Variants in CPXCR1 observed in about 807,000 individuals in gnomAD.
The protein encoded by CPXCR1 is CPX chromosome region candidate 1, also known as CPX chromosomal region candidate gene 1 protein.
In CPXCR1, 15 loss-of-function variants were observed where a neutral mutation model predicts 13.8. That is an observed-to-expected ratio of 1.09 (90% CI 0.73 to 1.67). The LOEUF (loss-of-function observed/expected upper bound fraction) is 1.67, where lower values mean the gene tolerates loss of function less well. CPXCR1 is among the 40% of genes most tolerant of loss of function. The pLI is 0.00. For synonymous variants in CPXCR1, 70 were observed against 76.7 expected (o/e 0.91, Z 0.46); for missense variants, 247 against 223.6 (o/e 1.10, Z -0.67).
chrX:88,747,719 T>C (rs888797894), intron 1 of CPXCR1, among the ~76,000 whole-genome samples: 5 of 111,952 alleles, frequency 4.5e-5, no homozygotes, highest in Admixed American at 9.5e-5. Flanking sequence ...TAGTTGAAGC[T>C]CTTTCATCTG....
chrX:88,753,610 G>A lies in CPXCR1; in HGVS notation c.196G>A (p.Ala66Thr). 1 of 1,206,854 alleles carries A rather than the reference G, an allele frequency of 8.3e-7. No homozygotes were observed. The highest frequency in any genetic ancestry group is 1.8e-5 in the South Asian group (1 of 56,243). The change falls in exon 3 of 3, where the codon GCA becomes ACA. Residue 66 changes from alanine (A) to threonine (T), a missense_variant. By Grantham distance (58) the Ala-to-Thr change is moderately conservative. Transcript: ENST00000276127. Reference sequence around the variant, plus strand: ...CTCCCAGGAAGATGTTGTTCCTCAAGCAGCAGAAAACAGCGAGCTCGAAAC... The same window carrying A: ...CTCCCAGGAAGATGTTGTTCCTCAAACAGCAGAAAACAGCGAGCTCGAAAC... ...ATSQEDVVPQ[A>T]AENSELETEI... is the part of the protein sequence containing the mutation.
intron 2 of CPXCR1, among the ~76,000 whole-genome samples, chrX:88,751,890 A>T (rs1208195395): frequency 1.8e-5 from 2 of 111,542 alleles, no homozygotes; most frequent in Non-Finnish European, 3.8e-5. Flanking sequence ...CAGTTATGAG[A>T]TAAGGTTCCA....
intron 2 of CPXCR1, among the ~76,000 whole-genome samples, chrX:88,751,783 C>T (rs17003522): frequency 0.05 from 5,605 of 111,103 alleles, 329 homozygotes; most frequent in African/African-American, 0.17. Flanking sequence ...ATAATAAAAG[C>T]TCAGCAGTAT....
Position 88,754,378 on chromosome X carries a change from C to T in CPXCR1, c.*58C>T, listed in dbSNP as rs968330707. The T allele has an allele frequency of 3.8e-5, 31 of 811,038 alleles. No individual in the cohort carries two copies. Among genetic ancestry groups the T allele is most frequent in the Admixed American group, 1.4e-4 (4 of 29,382 alleles). The allele number at this position is 811,038 out of a possible 1,213,427, so 66.8% of individuals were successfully genotyped here. ...ACTTCTAAAATTCATAATTTGACTA[C>T]TAAAGTAAGACAAAATTGCATGAAC... On this transcript the variant is annotated 3_prime_UTR_variant, in exon 3 of 3. Coordinates refer to ENST00000276127, the MANE Select transcript of CPXCR1 (RefSeq NM_033048.6).
In CPXCR1 at chrX:88,753,873, C is replaced by G; in HGVS notation, c.459C>G (p.Leu153=). The G allele has an allele frequency of 8.3e-7, 1 of 1,206,725 alleles. No homozygotes were observed. Among genetic ancestry groups the G allele is most frequent in the Admixed American group, 2.2e-5 (1 of 45,624 alleles). Residue 153 remains leucine, a synonymous_variant, in exon 3 of 3, where the codon CTC becomes CTG. Coordinates refer to ENST00000276127, the MANE Select transcript of CPXCR1 (RefSeq NM_033048.6). ...GTCATGAGATAAGAAGTATGATTCTCCATCTGCTATGTGATAGATATTTCT... is the reference window on the plus strand; with the variant it reads ...GTCATGAGATAAGAAGTATGATTCTGCATCTGCTATGTGATAGATATTTCT... The part of the protein sequence containing the change: ...INSHEIRSMI[L]HLLCDRYFSQ...
At chrX:88,748,531 T>C (rs1236946938) in intron 1 of CPXCR1, among the ~76,000 whole-genome samples, 1 of 110,598 alleles carries the variant, frequency 9.0e-6, no homozygotes, top group Non-Finnish European at 1.9e-5. Context: ...TCCAAACATA[T>C]GTCCAAACAT....
intron 1 of CPXCR1, among the ~76,000 whole-genome samples, chrX:88,748,727 T>C (rs1924838886): frequency 9.1e-6 from 1 of 110,168 alleles, no homozygotes; most frequent in African/African-American, 3.3e-5. Flanking sequence ...AGTCTTAACA[T>C]AGTTGAGTGA....
intron 2 of CPXCR1, 89 bp from the exon 3 acceptor site, chrX:88,753,318 A>G (rs745560634): frequency 2.2e-5 from 11 of 494,441 alleles, no homozygotes; most frequent in Non-Finnish European, 3.1e-5. Context: ...GCACATTCAC[A>G]GGCTTTTTGC....
chrX:88,754,446 AAACT>A lies in CPXCR1; in HGVS notation c.*129_*132del. 6.9e-6 allele frequency: 3 copies of A among 437,446 alleles called. No individual in the cohort carries two copies. The highest frequency in any genetic ancestry group is 1.2e-5 in the Non-Finnish European group (3 of 256,188). 36.1% of individuals were successfully genotyped at this position (437,446 alleles called of 1,213,427 possible). A position where few individuals can be genotyped will look rare whatever the true frequency, so the allele number is the denominator to read the frequency against. ...TAGAGGGAGTAGCAGAAAGGAACAC[AAACT>A]AATAGTACCTCTCAGTAAGAAATAC... On this transcript the variant is annotated 3_prime_UTR_variant, in exon 3 of 3. Transcript: ENST00000276127.
At chrX:88,748,692 C>T (rs1334135957) in intron 1 of CPXCR1, among the ~76,000 whole-genome samples, 1 of 109,834 alleles carries the variant, frequency 9.1e-6, no homozygotes. Context: ...CTTTAGATAT[C>T]ACATATTATG....
At position 88,753,863 on chromosome X, in the gene CPXCR1, G is replaced by A; in HGVS notation, c.449G>A (p.Ser150Asn). 1 of 1,208,208 alleles carries A rather than the reference G, an allele frequency of 8.3e-7. No individual in the cohort carries two copies. Among genetic ancestry groups the A allele is most frequent in the Non-Finnish European group, 1.1e-6 (1 of 892,407 alleles). The stretch of plus-strand genomic sequence containing the variant: ...TTTATTAACAGTCATGAGATAAGAA[G>A]TATGATTCTCCATCTGCTATGTGAT... The part of the protein sequence containing the change: ...VPFINSHEIR[S>N]MILHLLCDRY... The change falls in exon 3 of 3, where the codon AGT (serine) becomes AAT (asparagine). Residue 150 changes from serine to asparagine, a missense_variant. Transcript: ENST00000276127.
In CPXCR1 at chrX:88,754,008, G is replaced by A; in HGVS notation, c.594G>A (p.Arg198=). 1 of 1,210,207 alleles carries A rather than the reference G, an allele frequency of 8.3e-7. No homozygotes were observed. Among genetic ancestry groups the A allele is most frequent in the Non-Finnish European group, 1.1e-6 (1 of 894,635 alleles). Residue 198 remains arginine (R), a synonymous_variant, in exon 3 of 3, where the codon AGG becomes AGA. Transcript: ENST00000276127. ...ACGAGAGAGCCATAACATTTAGAAG[G>A]CCTTCGAGGGTGCACTACTACCGTC... ...THHERAITFR[R]PSRVHYYRPL...
chrX:88,753,995 T>C lies in CPXCR1; in HGVS notation c.581T>C (p.Ile194Thr), dbSNP rs779191883. Reference sequence around the variant, plus strand: ...AGTTTCACCCATCACGAGAGAGCCATAACATTTAGAAGGCCTTCGAGGGTG... The same window carrying C: ...AGTTTCACCCATCACGAGAGAGCCACAACATTTAGAAGGCCTTCGAGGGTG... ...PNSFTHHERAITFRRPSRVHY... is the reference protein window; with the variant it reads ...PNSFTHHERATTFRRPSRVHY... Residue 194 changes from isoleucine (I) to threonine (T), a missense_variant, in exon 3 of 3, where the codon ATA becomes ACA. Coordinates refer to ENST00000276127, the MANE Select transcript of CPXCR1 (RefSeq NM_033048.6). 1 of 1,209,973 alleles carries C rather than the reference T, an allele frequency of 8.3e-7. No homozygotes were observed. Among genetic ancestry groups the C allele is most frequent in the Non-Finnish European group, 1.1e-6 (1 of 894,340 alleles).
intron 2 of CPXCR1, among the ~76,000 whole-genome samples, chrX:88,752,738 G>T (rs1924958054): frequency 9.1e-6 from 1 of 109,769 alleles, no homozygotes; most frequent in South Asian, 3.9e-4. Context: ...GTAGAGACAG[G>T]GTTTCACCAG....
intron 1 of CPXCR1, among the ~76,000 whole-genome samples, chrX:88,748,771 C>T (rs1227464642): frequency 3.7e-5 from 4 of 108,102 alleles, no homozygotes; most frequent in Non-Finnish European, 7.7e-5. Context: ...CTAGTATATT[C>T]ACAATGAACA....
chrX:88,753,396 C>T lies in CPXCR1; in HGVS notation c.-8-11C>T. 1.0e-6 allele frequency: 1 copy of T among 984,559 alleles called. No homozygotes were observed. Among genetic ancestry groups the T allele is most frequent in the Non-Finnish European group, 1.3e-6 (1 of 742,314 alleles). The allele number at this position is 984,559 out of a possible 1,213,427, so 81.1% of individuals were successfully genotyped here. Reference sequence around the variant, plus strand: ...AATTTAGTAAATCTTTGTCTTCTTTCCCATAAATAGAACCCAGGATGAGTT... The same window carrying T: ...AATTTAGTAAATCTTTGTCTTCTTTTCCATAAATAGAACCCAGGATGAGTT... On this transcript the variant is annotated splice_polypyrimidine_tract_variant and intron_variant, in intron 2 of 2. Coordinates refer to ENST00000276127, the MANE Select transcript of CPXCR1 (RefSeq NM_033048.6).
At position 88,754,743 on chromosome X, in the gene CPXCR1, G is replaced by A. The variant is rs1328548744; in HGVS notation, c.*423G>A. 7.9e-6 allele frequency: 1 copy of A among 126,014 alleles called. No individual in the cohort carries two copies. Among genetic ancestry groups the A allele is most frequent in the East Asian group, 2.8e-4 (1 of 3,624 alleles). 10.4% of individuals were successfully genotyped at this position (126,014 alleles called of 1,213,427 possible). A position where few individuals can be genotyped will look rare whatever the true frequency, so the allele number is the denominator to read the frequency against. ...TTCTGCTACATGTATTATCTGAAAT[G>A]TTCTCCATATATTCAATAAAAACCA... On this transcript the variant is annotated 3_prime_UTR_variant, in exon 3 of 3. Transcript: ENST00000276127.
chrX:88,750,006 A>G (rs1445994541), intron 2 of CPXCR1, among the ~76,000 whole-genome samples: 1 of 110,437 alleles, frequency 9.1e-6, no homozygotes, highest in African/African-American at 3.3e-5. Flanking sequence ...TAAATATACA[A>G]TCATGTCATC....
rs1340189036 is a variant in CPXCR1 at position 88,754,231 on chromosome X, G to A, written c.817G>A (p.Gly273Ser). The A allele has an allele frequency of 1.7e-6, 2 of 1,186,721 alleles. No homozygotes were observed. The highest frequency in any genetic ancestry group is 2.3e-6 in the Non-Finnish European group (2 of 876,818). Residue 273 changes from glycine (G) to serine (S), a missense_variant, in exon 3 of 3, where the codon GGT (glycine) becomes AGT (serine). By Grantham distance (56) the Gly-to-Ser change is moderately conservative (BLOSUM62 0). Transcript: ENST00000276127. ...MNVMITNTNN[G>S]WKYFCPICGR... Reference sequence around the variant, plus strand: ...TGTTATGATCACAAACACCAATAATGGTTGGAAATACTTTTGTCCCATCTG... The same window carrying A: ...TGTTATGATCACAAACACCAATAATAGTTGGAAATACTTTTGTCCCATCTG...
Sources: gnomAD v4.1 joint callset for allele counts (sites outside exome capture counted in the v4.1 genomes callset) on GRCh38, gnomAD v4.1.1 for gene constraint, MANE v1.5 for transcripts, NCBI Gene and HGNC (gene_info 2026-07-23, HGNC 2026-07-21) for gene names.